Variants in LRBA observed in about 807,000 individuals in gnomAD.
LRBA encodes the protein LPS responsive beige-like anchor protein, also known as lipopolysaccharide-responsive and beige-like anchor protein.
A neutral mutation model predicts 330.0 loss-of-function variants in LRBA; 176 were observed. That is an observed-to-expected ratio of 0.53 (90% CI 0.47 to 0.60). The LOEUF is 0.60. LRBA is among the 20% of genes least tolerant of loss of function. LRBA has a pLI of 0.00. For missense variants in LRBA, 3,259 were observed against 3,444.8 expected, an observed-to-expected ratio of 0.95 and a Z score of 1.35; for synonymous variants, 1,230 against 1,193.0, an observed-to-expected ratio of 1.03 and a Z score of -0.64.
intron 40 of LRBA, among the ~76,000 whole-genome samples, chr4:150,492,444 C>T (rs765576608): frequency 6.6e-5 from 10 of 152,012 alleles, no homozygotes; most frequent in African/African-American, 9.7e-5. Flanking sequence ...GAACAGGAAA[C>T]GAGAGGACAA....
intron 46 of LRBA, among the ~76,000 whole-genome samples, chr4:150,424,958 T>C (rs920344247): frequency 6.6e-6 from 1 of 152,170 alleles, no homozygotes; most frequent in African/African-American, 2.4e-5. Context: ...GAAATAAACA[T>C]GCTGAACTCA....
intron 35 of LRBA, among the ~76,000 whole-genome samples, chr4:150,757,106 G>A (rs577857913): frequency 9.9e-5 from 15 of 152,034 alleles, no homozygotes; most frequent in Admixed American, 1.3e-4. Context: ...TAACAATTAC[G>A]TCAGTGATTA....
At chr4:150,448,829 G>A (rs781184660) in intron 44 of LRBA, among the ~76,000 whole-genome samples, 2 of 126,404 alleles carry the variant, frequency 1.6e-5, no homozygotes, top group East Asian at 2.5e-4. Context: ...AAAAGGGGGG[G>A]GGGGTGGGCA....
At chr4:150,684,490 A>T (rs1783350557) in intron 36 of LRBA, among the ~76,000 whole-genome samples, 1 of 152,184 alleles carries the variant, frequency 6.6e-6, no homozygotes, top group Non-Finnish European at 1.5e-5. Context: ...GGCAATTTAT[A>T]TACATCAAAG....
chr4:151,014,751 T>C lies in LRBA; in HGVS notation c.-109A>G. The C allele has an allele frequency of 1.0e-5, 7 of 697,172 alleles. No homozygotes were observed. The highest frequency in any genetic ancestry group is 4.8e-6 in the Non-Finnish European group (2 of 414,464). 43.2% of individuals were successfully genotyped at this position (697,172 alleles called of 1,614,324 possible). On this transcript the variant is annotated 5_prime_UTR_variant, in exon 2 of 57. Transcript: ENST00000651943. Reference sequence around the variant, plus strand: ...AAAACGAAAGGGTCCCTCTTCCAACTTGTGGAGATACCCCAAAGCAGTTGA... The same window carrying C: ...AAAACGAAAGGGTCCCTCTTCCAACCTGTGGAGATACCCCAAAGCAGTTGA...
rs746418736 is a variant in LRBA at position 150,916,744 on chromosome 4, G to A, written c.646-6C>T. On this transcript the variant is annotated splice_region_variant and splice_polypyrimidine_tract_variant and intron_variant, in intron 5 of 56. Transcript: ENST00000651943. ...ATAGGAGGTAATGCAATAGCCTAAA[G>A]GAAAGAAACTTTGAGTTATTAACTC... The A allele has an allele frequency of 2.4e-5, 37 of 1,530,164 alleles. 1 individual carries two copies. In the South Asian group the frequency reaches 4.8e-4, roughly 20 times the overall value. The allele number at this position is 1,530,164 out of a possible 1,614,324, so 94.8% of individuals were successfully genotyped here.
At chr4:150,307,048 G>C (rs1318704437) in intron 52 of LRBA, among the ~76,000 whole-genome samples, 1 of 151,776 alleles carries the variant, frequency 6.6e-6, no homozygotes, top group African/African-American at 2.4e-5. Flanking sequence ...GTGAATATAG[G>C]ATTTTAATTA....
At chr4:150,323,006 TG>T (rs1732746509) in intron 49 of LRBA, among the ~76,000 whole-genome samples, 1 of 136,168 alleles carries the variant, frequency 7.3e-6, no homozygotes, top group African/African-American at 2.8e-5. Context: ...TGTGTGTGTG[TG>T]TGTGTGTGTG....
intron 34 of LRBA, among the ~76,000 whole-genome samples, chr4:150,777,807 G>T (rs957815225): frequency 6.6e-6 from 1 of 151,602 alleles, no homozygotes; most frequent in Non-Finnish European, 1.5e-5. Flanking sequence ...GTGAAACCCC[G>T]TCTCTACTAA....
intron 42 of LRBA, among the ~76,000 whole-genome samples, chr4:150,486,623 T>C (rs932047158): frequency 6.6e-6 from 1 of 151,914 alleles, no homozygotes; most frequent in Admixed American, 6.6e-5. Flanking sequence ...TTGAGCAAAT[T>C]AATATATCCA....
chr4:150,561,171 A>T (rs984392228), intron 40 of LRBA, among the ~76,000 whole-genome samples: 1 of 152,180 alleles, frequency 6.6e-6, no homozygotes, highest in Non-Finnish European at 1.5e-5. Flanking sequence ...GATAAATACT[A>T]ATTTAAATCT....
Position 150,828,233 on chromosome 4 carries a change from T to C in LRBA, c.5118A>G (p.Gly1706=). ...DPALLPPACL[G]ALGDLSVEQP... ...GTTCCACAGATAGATCACCAAGGGC[T>C]CCAAGGCAGGCTGGTGGCAGAAGGG... Residue 1706 remains glycine (G), a synonymous_variant, in exon 30 of 57, where the codon GGA becomes GGG. Coordinates refer to ENST00000651943, the MANE Select transcript of LRBA (RefSeq NM_001364905.1). 1 of 1,614,122 alleles carries C rather than the reference T, an allele frequency of 6.2e-7. No individual in the cohort carries two copies. Among genetic ancestry groups the C allele is most frequent in the South Asian group, 1.1e-5 (1 of 91,086 alleles).
intron 17 of LRBA, among the ~76,000 whole-genome samples, chr4:150,890,140 C>T (rs1729319486): frequency 6.6e-6 from 1 of 152,028 alleles, no homozygotes; most frequent in African/African-American, 2.4e-5. Context: ...TAATTCCCTC[C>T]TAATAGGTCT....
intron 41 of LRBA, among the ~76,000 whole-genome samples, chr4:150,489,763 T>C (rs1473391065): frequency 7.2e-6 from 1 of 138,680 alleles, no homozygotes; most frequent in African/African-American, 2.6e-5. Flanking sequence ...ATTATACATA[T>C]ATATTCTTAT....
chr4:150,528,435 A>G (rs1024987890), intron 40 of LRBA, among the ~76,000 whole-genome samples: 3 of 151,280 alleles, frequency 2.0e-5, no homozygotes, highest in Non-Finnish European at 2.9e-5. Flanking sequence ...CGGGAGGTGG[A>G]GCTTGCAGTG....
At chr4:150,951,076 A>C (rs932264749) in intron 2 of LRBA, among the ~76,000 whole-genome samples, 4 of 152,200 alleles carry the variant, frequency 2.6e-5, no homozygotes, top group African/African-American at 4.8e-5. Context: ...CCATAAATGG[A>C]AGAAGAATAT....
Position 150,583,537 on chromosome 4 carries a change from A to G in LRBA, c.6330+4511T>C. The G allele has an allele frequency of 6.2e-7, 1 of 1,613,860 alleles. No individual in the cohort carries two copies. Among genetic ancestry groups the G allele is most frequent in the Non-Finnish European group, 8.5e-7 (1 of 1,179,958 alleles). ...CATCAGGGAGCGCTATGTGGTGCAA[A>G]TCACTCCGGCGTTCAAGTGCACCGG... On this transcript the variant is annotated intron_variant, in intron 40 of 56. Transcript: ENST00000651943. The surrounding 1 kb of genome is among the most constrained non-coding windows in gnomAD (Gnocchi z 9.8).
chr4:150,729,361 T>C (rs1313411692), intron 36 of LRBA, among the ~76,000 whole-genome samples: 2 of 151,986 alleles, frequency 1.3e-5, no homozygotes, highest in South Asian at 2.1e-4. Flanking sequence ...CAGTGAACAA[T>C]CTGAACATGA....
intron 37 of LRBA, among the ~76,000 whole-genome samples, chr4:150,610,671 G>T (rs1775162690): frequency 6.6e-6 from 1 of 152,084 alleles, no homozygotes; most frequent in South Asian, 2.1e-4. Context: ...GATTTGGTTG[G>T]CAGACCAAAA....
Sources: allele counts gnomAD v4.1 joint callset (sites outside exome capture counted in the v4.1 genomes callset), GRCh38; gene constraint gnomAD v4.1.1; non-coding constraint Gnocchi (gnomAD v3.1); transcripts MANE v1.5; gene names NCBI Gene and HGNC (gene_info 2026-07-23, HGNC 2026-07-21).